The following DLGAP4 variants were observed in gnomAD, a reference collection of about 807,000 sequenced individuals.
DLGAP4 encodes DLG associated protein 4, also known as disks large-associated protein 4.
A neutral mutation model predicts 86.9 loss-of-function variants in DLGAP4; 18 were observed. The observed-to-expected ratio is 0.21, with a 90% CI of 0.14 to 0.31. DLGAP4 has a LOEUF of 0.31. Among genes scored for constraint, DLGAP4 ranks in the 10% least tolerant of loss-of-function variants. The probability of loss-of-function intolerance (pLI) is 1.00; values close to 1 mark genes in which losing one functional copy is unlikely to be tolerated. For missense variants in DLGAP4, 1,085 were observed against 1,362.6 expected (o/e 0.80, Z 3.21); for synonymous variants, 548 against 574.3 (o/e 0.95, Z 0.65).
chr20:36,525,232 A>G (rs1295056346), intron 11 of DLGAP4, among the ~76,000 whole-genome samples: 2 of 116,420 alleles, frequency 1.7e-5, no homozygotes, highest in Admixed American at 8.3e-5. Context: ...AAAAAAAAAA[A>G]AAAAAAAAAA....
chr20:36,509,395 A>ACCC (rs2036561225), intron 10 of DLGAP4, among the ~76,000 whole-genome samples: 1 of 152,006 alleles, frequency 6.6e-6, no homozygotes, highest in African/African-American at 2.4e-5. Flanking sequence ...ACACAGTGAA[A>ACCC]CCCCGTCTCT....
In DLGAP4 at chr20:36,500,177, C is replaced by T. The variant is rs759486092; in HGVS notation, c.2100-22C>T. 15 of 1,507,910 alleles carry T rather than the reference C, an allele frequency of 9.9e-6. 1 individual carries two copies. In the South Asian group the frequency reaches 1.6e-4, roughly 16 times the overall value. The allele number at this position is 1,507,910 out of a possible 1,614,324, so 93.4% of individuals were successfully genotyped here. On this transcript the variant is annotated intron_variant, in intron 9 of 12. Transcript: ENST00000339266. The surrounding 1 kb of genome is among the most constrained non-coding windows in gnomAD (Gnocchi z 4.6). The stretch of plus-strand genomic sequence containing the variant: ...GTGACTCACTCCTTCCTGTCCCCAC[C>T]CCATCCACCCCCTACCCACAGAAGC...
chr20:36,486,217 A>G (rs1282342021), intron 7 of DLGAP4, among the ~76,000 whole-genome samples: 1 of 152,222 alleles, frequency 6.6e-6, no homozygotes, highest in African/African-American at 2.4e-5. Context: ...GGTCCCCACC[A>G]TCAGGGACCT....
chr20:36,438,995 C>G (rs1279959336), intron 4 of DLGAP4, among the ~76,000 whole-genome samples: 1 of 152,114 alleles, frequency 6.6e-6, no homozygotes, highest in Non-Finnish European at 1.5e-5. Flanking sequence ...ATCCTACAAT[C>G]CGAGTGACCA....
chr20:36,352,266 C>T (rs1271664457), intron 1 of DLGAP4, among the ~76,000 whole-genome samples: 6 of 152,088 alleles, frequency 3.9e-5, no homozygotes, highest in Admixed American at 3.3e-4. Context: ...CCCTGTAAGC[C>T]AGGGTGAGGT....
At chr20:36,499,210 C>CT (rs372633959) in intron 8 of DLGAP4, 98,706 of 1,040,874 alleles carry the variant, frequency 0.095, no homozygotes, top group Non-Finnish European at 0.1. Flanking sequence ...TTTCGTCGTC[C>CT]TTTTTTTTTT....
At chr20:36,502,913 T>A (rs1221071575) in intron 10 of DLGAP4, among the ~76,000 whole-genome samples, 3 of 151,200 alleles carry the variant, frequency 2.0e-5, no homozygotes, top group Non-Finnish European at 4.4e-5. Context: ...TTAGTAGAGA[T>A]GGGGTTTCAC....
chr20:36,397,906 G>A (rs2032047037), intron 2 of DLGAP4, among the ~76,000 whole-genome samples: 1 of 152,196 alleles, frequency 6.6e-6, no homozygotes, highest in African/African-American at 2.4e-5. Flanking sequence ...TGGATCACCT[G>A]AGGTCAGGAG....
intron 2 of DLGAP4, among the ~76,000 whole-genome samples, chr20:36,394,494 C>T (rs1029840175): frequency 6.6e-6 from 1 of 152,180 alleles, no homozygotes; most frequent in Admixed American, 6.5e-5. Context: ...CGGGGCATGA[C>T]GTCAGTCATT....
At chr20:36,358,243 A>G (rs1555894001) in intron 1 of DLGAP4, among the ~76,000 whole-genome samples, 2 of 152,258 alleles carry the variant, frequency 1.3e-5, no homozygotes, top group Non-Finnish European at 2.9e-5. Context: ...TGCAAACTGC[A>G]GTGCGGTGGC....
chr20:36,468,100 G>C (rs146798879), intron 7 of DLGAP4, among the ~76,000 whole-genome samples: 1 of 152,356 alleles, frequency 6.6e-6, no homozygotes, highest in African/African-American at 2.4e-5. Context: ...CTGAAGGTCA[G>C]GGTGCCAGTT....
At chr20:36,486,348 G>C (rs886157736) in intron 7 of DLGAP4, among the ~76,000 whole-genome samples, 1 of 152,134 alleles carries the variant, frequency 6.6e-6, no homozygotes, top group Non-Finnish European at 1.5e-5. Context: ...CTTTAGACTG[G>C]ATGGTCAGGG....
intron 10 of DLGAP4, among the ~76,000 whole-genome samples, chr20:36,524,003 C>T (rs2037545248): frequency 6.6e-6 from 1 of 152,026 alleles, no homozygotes; most frequent in East Asian, 1.9e-4. Context: ...AAATGTTTTA[C>T]ATTTACACTC....
intron 8 of DLGAP4, chr20:36,497,428 A>G (rs1600655025): frequency 3.2e-5 from 35 of 1,100,168 alleles, no homozygotes; most frequent in Non-Finnish European, 3.9e-5. Flanking sequence ...GGACTGGCCT[A>G]ACAGTTCTCT....
chr20:36,462,401 C>CATTTACAAA, intron 7 of DLGAP4: 1 of 1,428,134 alleles, frequency 7.0e-7, no homozygotes, highest in South Asian at 1.5e-5. Flanking sequence ...CTCTGTGCCT[C>CATTTACAAA]TTGCGCTGAA....
rs150643479 is a variant in DLGAP4 at position 36,411,323 on chromosome 20, C to A, written c.-72-20323C>A. The stretch of plus-strand genomic sequence containing the variant: ...AATTCTTGTCTGAGGGTCTGCTTCT[C>A]GGAGAACCCAAATCAGACAGATGCC... On this transcript the variant is annotated intron_variant, in intron 2 of 12. Transcript: ENST00000339266. Among the ~76,000 whole-genome samples the A allele has an allele frequency of 3.2e-4, 49 of 152,098 alleles. 1 individual carries two copies. The highest frequency in any genetic ancestry group is 1.2e-4 in the Non-Finnish European group (8 of 68,006).
chr20:36,462,345 C>G, intron 7 of DLGAP4: 1 of 1,368,750 alleles, frequency 7.3e-7, no homozygotes, highest in Non-Finnish European at 9.3e-7. Context: ...CTGCTTTGCT[C>G]TCCCTGCCCC....
chr20:36,320,592 A>G (rs2065158523), intron 1 of DLGAP4, among the ~76,000 whole-genome samples: 1 of 152,088 alleles, frequency 6.6e-6, no homozygotes, highest in Admixed American at 6.5e-5. Context: ...TTTAGACGAA[A>G]TGCTGTGTTC....
chr20:36,373,833 T>A (rs2031038670), intron 2 of DLGAP4, among the ~76,000 whole-genome samples: 2 of 151,930 alleles, frequency 1.3e-5, no homozygotes, highest in Non-Finnish European at 2.9e-5. Flanking sequence ...AGACAGGAGT[T>A]CAAGACCAGC....
Sources: allele counts gnomAD v4.1 joint callset (sites outside exome capture counted in the v4.1 genomes callset), GRCh38; gene constraint gnomAD v4.1.1; non-coding constraint Gnocchi (gnomAD v3.1); transcripts MANE v1.5; gene names NCBI Gene and HGNC (gene_info 2026-07-23, HGNC 2026-07-21).